The following SBF2 variants were observed in gnomAD, a reference collection of about 807,000 sequenced individuals.
SBF2 encodes SET binding factor 2.
Under a neutral mutation model 225.2 loss-of-function variants are expected in SBF2, and 112 were observed. The ratio of observed to expected loss-of-function variants is 0.50; its 90% CI spans 0.43 to 0.58. The LOEUF (loss-of-function observed/expected upper bound fraction) is 0.58, where lower values mean the gene tolerates loss of function less well. Ranked by LOEUF, SBF2 falls within the 20% of genes least tolerant of loss-of-function variation. The pLI is 0.00. For synonymous variants in SBF2, 763 were observed against 773.3 expected (o/e 0.99, Z 0.22); for missense variants, 1,996 against 2,206.2 (o/e 0.90, Z 1.91).
At chr11:9,907,614 T>C (rs1372886865) in intron 16 of SBF2, among the ~76,000 whole-genome samples, 1 of 152,222 alleles carries the variant, frequency 6.6e-6, no homozygotes, top group Non-Finnish European at 1.5e-5. Context: ...GTTATTTATA[T>C]GCACAATGAC....
chr11:10,236,091 T>C (rs762412098), intron 1 of SBF2, among the ~76,000 whole-genome samples: 1 of 151,688 alleles, frequency 6.6e-6, no homozygotes, highest in South Asian at 2.1e-4. Context: ...AAAACAAAAA[T>C]AGGAGTCCTC....
intron 9 of SBF2, among the ~76,000 whole-genome samples, chr11:9,994,294 G>A (rs1433850677): frequency 6.6e-6 from 1 of 151,808 alleles, no homozygotes; most frequent in African/African-American, 2.4e-5. Flanking sequence ...CTAACACGGT[G>A]AAACCCCATC....
chr11:10,006,078 T>C (rs1948175411), intron 6 of SBF2, among the ~76,000 whole-genome samples: 1 of 152,176 alleles, frequency 6.6e-6, no homozygotes, highest in Non-Finnish European at 1.5e-5. Context: ...CAACTCAAAT[T>C]GGCTCTTTTC....
In SBF2 at chr11:10,024,024, C is replaced by A. The variant is rs192084569; in HGVS notation, c.619+4428G>T. Reference sequence around the variant, plus strand: ...CCATGAAACAACCAGTGACCTGTTTCCATCACCATAGATTAGACCACATTT... The same window carrying A: ...CCATGAAACAACCAGTGACCTGTTTACATCACCATAGATTAGACCACATTT... On this transcript the variant is annotated intron_variant, in intron 6 of 39. Transcript: ENST00000256190. Among the ~76,000 whole-genome samples the A allele has an allele frequency of 2.0e-5, 3 of 152,274 alleles. No individual in the cohort carries two copies. In the East Asian group the frequency reaches 5.8e-4, roughly 29 times the overall value.
chr11:9,840,156 C>T (rs1168841540), intron 25 of SBF2, among the ~76,000 whole-genome samples: 1 of 151,796 alleles, frequency 6.6e-6, no homozygotes, highest in Non-Finnish European at 1.5e-5. Flanking sequence ...ATCACTTGAA[C>T]CCGGGAGGTG....
At position 9,967,911 on chromosome 11, in the gene SBF2, A is replaced by G. The variant is rs973628118; in HGVS notation, c.1600+430T>C. Among the ~76,000 whole-genome samples the G allele has an allele frequency of 7.2e-5, 10 of 139,754 alleles. No homozygotes were observed. The South Asian group carries it at 1.2e-3, about 16-fold the overall frequency. 91.7% of individuals were successfully genotyped at this position (139,754 alleles called of 152,430 possible). ...GCCTGGGCAACAAGGGTGAAACTCA[A>G]TCTGTCTGTCTGTCTGTCTGTCTGT... On this transcript the variant is annotated intron_variant, in intron 14 of 39. Transcript: ENST00000256190.
At chr11:9,875,360 A>G (rs976499146) in intron 17 of SBF2, among the ~76,000 whole-genome samples, 1 of 152,210 alleles carries the variant, frequency 6.6e-6, no homozygotes, top group Non-Finnish European at 1.5e-5. Context: ...GGCTTCTAGG[A>G]ACATCATAAA....
At chr11:9,976,751 CT>C (rs796643065) in intron 13 of SBF2, among the ~76,000 whole-genome samples, 5 of 138,552 alleles carry the variant, frequency 3.6e-5, no homozygotes, top group African/African-American at 1.0e-4. Flanking sequence ...GATTTCTTTT[CT>C]TTTTTTTTGT....
At chr11:9,845,866 C>G in intron 23 of SBF2, 126 bp from the exon 24 acceptor site, 2 of 816,058 alleles carry the variant, frequency 2.5e-6, no homozygotes, top group East Asian at 2.5e-5. Flanking sequence ...GGATAACATG[C>G]AATACAATTT....
chr11:10,174,971 T>G (rs569362736), intron 2 of SBF2, among the ~76,000 whole-genome samples: 1 of 151,928 alleles, frequency 6.6e-6, no homozygotes, highest in African/African-American at 2.4e-5. Flanking sequence ...TGAGAGATTT[T>G]GTCACCACCA....
At chr11:9,843,932 A>G (rs141923313) in intron 24 of SBF2, 1 of 152,174 alleles carries the variant, frequency 6.6e-6, no homozygotes, top group Non-Finnish European at 1.5e-5. Flanking sequence ...AAAGCTATAT[A>G]TATCTTTTGT....
intron 1 of SBF2, among the ~76,000 whole-genome samples, chr11:10,254,086 TCAAA>T (rs1304002026): frequency 6.6e-6 from 1 of 152,072 alleles, no homozygotes; most frequent in African/African-American, 2.4e-5. Context: ...CGGAGGTTGC[TCAAA>T]CAATTAAAAA....
chr11:10,286,115 A>T (rs2135572575), intron 1 of SBF2, among the ~76,000 whole-genome samples: 1 of 152,024 alleles, frequency 6.6e-6, no homozygotes, highest in East Asian at 1.9e-4. Flanking sequence ...GGCGTGAGCT[A>T]CCACGCCCAG....
intron 2 of SBF2, among the ~76,000 whole-genome samples, chr11:10,153,388 T>C (rs183544196): frequency 1.3e-5 from 2 of 152,262 alleles, no homozygotes; most frequent in African/African-American, 4.8e-5. Flanking sequence ...CCAATTTATC[T>C]ACAAAATCTC....
At chr11:10,231,455 T>A (rs1958840858) in intron 1 of SBF2, among the ~76,000 whole-genome samples, 1 of 152,152 alleles carries the variant, frequency 6.6e-6, no homozygotes, top group African/African-American at 2.4e-5. Context: ...ACCTTTGGTC[T>A]TTGACAATGG....
intron 29 of SBF2, among the ~76,000 whole-genome samples, chr11:9,812,916 T>C (rs1157935266): frequency 6.6e-6 from 1 of 152,236 alleles, no homozygotes; most frequent in African/African-American, 2.4e-5. Context: ...TTGCCCAGAA[T>C]GGCAAATCTA....
intron 16 of SBF2, among the ~76,000 whole-genome samples, chr11:9,947,825 T>C (rs1565045098): frequency 6.6e-6 from 1 of 151,862 alleles, no homozygotes; most frequent in Non-Finnish European, 1.5e-5. Context: ...CTGAAACCCT[T>C]GTGCTGGTGG....
chr11:10,278,870 A>C (rs1963183597), intron 1 of SBF2, among the ~76,000 whole-genome samples: 1 of 152,086 alleles, frequency 6.6e-6, no homozygotes, highest in Non-Finnish European at 1.5e-5. Flanking sequence ...TTTTTAATAA[A>C]AATGATCTTT....
intron 6 of SBF2, among the ~76,000 whole-genome samples, chr11:10,025,981 T>C (rs1271765811): frequency 6.6e-6 from 1 of 152,172 alleles, no homozygotes; most frequent in Non-Finnish European, 1.5e-5. Context: ...AGGCCACCAT[T>C]ACTGGAAGAG....
Sources: gnomAD v4.1 joint callset for allele counts (sites outside exome capture counted in the v4.1 genomes callset) on GRCh38, gnomAD v4.1.1 for gene constraint, MANE v1.5 for transcripts, NCBI Gene and HGNC (gene_info 2026-07-23, HGNC 2026-07-21) for gene names.